Variants in PEBP4 observed in about 807,000 individuals in gnomAD.
PEBP4 encodes the protein phosphatidylethanolamine-binding protein 4.
In PEBP4, 22 loss-of-function variants were observed where a neutral mutation model predicts 23.9. That is an observed-to-expected ratio of 0.92 (90% CI 0.66 to 1.31). The LOEUF is 1.31. Ranked by LOEUF, PEBP4 falls within the 40% of genes most tolerant of loss-of-function variation. The pLI is 0.00. For synonymous variants in PEBP4, 112 were observed against 99.3 expected (o/e 1.13, Z -0.76); for missense variants, 324 against 281.7 (o/e 1.15, Z -1.07).
At chr8:22,730,715 G>A (rs1272269546) in intron 4 of PEBP4, among the ~76,000 whole-genome samples, 3 of 152,196 alleles carry the variant, frequency 2.0e-5, no homozygotes, top group Admixed American at 6.5e-5. Context: ...GGGGGTACCA[G>A]CCCAGCATTT....
chr8:22,813,253 T>G (rs1339455205), intron 4 of PEBP4, among the ~76,000 whole-genome samples: 2 of 152,220 alleles, frequency 1.3e-5, no homozygotes, highest in Non-Finnish European at 2.9e-5. Flanking sequence ...GGGCACTGAA[T>G]GAAAGGGAAC....
chr8:22,717,708 G>C (rs1057205225), intron 6 of PEBP4, among the ~76,000 whole-genome samples: 5 of 152,202 alleles, frequency 3.3e-5, no homozygotes, highest in African/African-American at 9.7e-5. Context: ...GTGGTGATCT[G>C]TATCTACCCA....
intron 3 of PEBP4, among the ~76,000 whole-genome samples, chr8:22,831,846 G>A (rs562379110): frequency 9.8e-5 from 15 of 152,336 alleles, no homozygotes; most frequent in African/African-American, 3.6e-4. Context: ...TGTGTGTCTG[G>A]AGGGTGGAGT....
chr8:22,916,645 GTCAT>G (rs57062493), intron 3 of PEBP4, among the ~76,000 whole-genome samples: 111 of 151,718 alleles, frequency 7.3e-4, no homozygotes, highest in Non-Finnish European at 1.3e-3. Context: ...TCTCCCACAT[GTCAT>G]TCATTCATTC....
chr8:22,924,788 G>A (rs1809288108), intron 2 of PEBP4: 2 of 985,382 alleles, frequency 2.0e-6, no homozygotes, highest in Non-Finnish European at 2.4e-6. Context: ...CTGCGACTGA[G>A]CCCAGGGTTG....
At chr8:22,914,404 A>G (rs1458130561) in intron 3 of PEBP4, among the ~76,000 whole-genome samples, 1 of 152,170 alleles carries the variant, frequency 6.6e-6, no homozygotes, top group Non-Finnish European at 1.5e-5. Flanking sequence ...ATTACTGAAC[A>G]CATACTGTGC....
intron 3 of PEBP4, among the ~76,000 whole-genome samples, chr8:22,867,292 C>G (rs1005361471): frequency 1.1e-4 from 16 of 152,150 alleles, no homozygotes; most frequent in African/African-American, 3.1e-4. Flanking sequence ...TGCCAAAGTG[C>G]TGGGTGGAGA....
intron 3 of PEBP4, among the ~76,000 whole-genome samples, chr8:22,832,437 C>T (rs1350523163): frequency 1.3e-5 from 2 of 152,176 alleles, no homozygotes; most frequent in Non-Finnish European, 2.9e-5. Context: ...AATCTGCTGG[C>T]ACATTGGTCT....
At chr8:22,781,451 C>CA (rs1554484789) in intron 4 of PEBP4, among the ~76,000 whole-genome samples, 6 of 151,680 alleles carry the variant, frequency 4.0e-5, no homozygotes, top group Non-Finnish European at 8.8e-5. Flanking sequence ...CCGCTTTTTA[C>CA]TTTTTTTTTG....
intron 4 of PEBP4, among the ~76,000 whole-genome samples, chr8:22,771,188 A>G (rs1805711204): frequency 6.6e-6 from 1 of 152,172 alleles, no homozygotes; most frequent in Non-Finnish European, 1.5e-5. Flanking sequence ...TACCATATAT[A>G]CCTTCTTCAA....
chr8:22,818,956 A>G (rs183118897), intron 3 of PEBP4, among the ~76,000 whole-genome samples: 29 of 152,246 alleles, frequency 1.9e-4, no homozygotes, highest in African/African-American at 6.7e-4. Context: ...TGGTACAAAT[A>G]AGACTTGGAG....
intron 3 of PEBP4, chr8:22,884,853 G>GA (rs34555506): frequency 3.3e-5 from 5 of 152,162 alleles, no homozygotes; most frequent in South Asian, 2.1e-4. Flanking sequence ...TATCTCACCT[G>GA]AAAAAACTCT....
chr8:22,796,415 A>T (rs55756959), intron 4 of PEBP4, among the ~76,000 whole-genome samples: 10 of 152,016 alleles, frequency 6.6e-5, no homozygotes, highest in African/African-American at 2.4e-4. Context: ...AGGTGTGCTC[A>T]GTAAATCATC....
chr8:22,795,175 T>A (rs540227768), intron 4 of PEBP4, among the ~76,000 whole-genome samples: 2,226 of 64,726 alleles, frequency 0.034, 79 homozygotes, highest in African/African-American at 0.074. Context: ...TTTTTTTTTT[T>A]TTTTTTTTTT....
intron 2 of PEBP4, chr8:22,925,016 T>C: frequency 1.0e-6 from 1 of 985,390 alleles, no homozygotes; most frequent in Non-Finnish European, 1.2e-6. Context: ...GGGGGATCTC[T>C]TGCCAAGGTC....
chr8:22,934,976 C>G (rs140963687), intron 1 of PEBP4, among the ~76,000 whole-genome samples: 42 of 152,206 alleles, frequency 2.8e-4, no homozygotes, highest in African/African-American at 9.9e-4. Flanking sequence ...ATATTAATAT[C>G]AGACAAAACA....
At chr8:22,894,764 C>A (rs1031574802) in intron 3 of PEBP4, among the ~76,000 whole-genome samples, 1 of 152,162 alleles carries the variant, frequency 6.6e-6, no homozygotes, top group Non-Finnish European at 1.5e-5. Context: ...AAGTTCACAG[C>A]CTCATCAGGT....
intron 4 of PEBP4, among the ~76,000 whole-genome samples, chr8:22,778,470 C>T (rs931067414): frequency 6.6e-6 from 1 of 151,914 alleles, no homozygotes; most frequent in African/African-American, 2.4e-5. Flanking sequence ...CTGCAACCTC[C>T]GCCTCTTGGG....
intron 4 of PEBP4, among the ~76,000 whole-genome samples, chr8:22,785,980 A>G (rs1412306652): frequency 5.3e-5 from 8 of 152,188 alleles, no homozygotes; most frequent in African/African-American, 1.2e-4. Flanking sequence ...TCGAACGTCA[A>G]GTAGGGTCAG....
Sources: allele counts gnomAD v4.1 joint callset (sites outside exome capture counted in the v4.1 genomes callset), GRCh38; gene constraint gnomAD v4.1.1; transcripts MANE v1.5; gene names NCBI Gene and HGNC (gene_info 2026-07-23, HGNC 2026-07-21).